The following ARHGEF6 variants were observed in gnomAD, a reference collection of about 807,000 sequenced individuals.
ARHGEF6 encodes the protein Rac/Cdc42 guanine nucleotide exchange factor 6, also known as rho guanine nucleotide exchange factor 6.
Under a neutral mutation model 70.3 loss-of-function variants are expected in ARHGEF6, and 9 were observed. That is an observed-to-expected ratio of 0.13 (90% CI 0.08 to 0.22). The LOEUF (loss-of-function observed/expected upper bound fraction) is 0.22, where lower values mean the gene tolerates loss of function less well. Among genes scored for constraint, ARHGEF6 ranks in the 10% least tolerant of loss-of-function variants. The pLI is 1.00. For missense variants in ARHGEF6, 470 were observed against 563.0 expected (o/e 0.83, Z 1.67); for synonymous variants, 201 against 207.8 (o/e 0.97, Z 0.28).
Position 136,665,987 on chromosome X carries a change from T to C in ARHGEF6, c.*2042A>G, listed in dbSNP as rs1437728174. ...CAAAAATGTTTCCTATAGATGCAGT[T>C]TGCACATTTATTGCAAGCCATTGAC... On this transcript the variant is annotated 3_prime_UTR_variant, in exon 22 of 22. Coordinates refer to ENST00000250617, the MANE Select transcript of ARHGEF6 (RefSeq NM_004840.3). The C allele has an allele frequency of 8.9e-6, 1 of 112,764 alleles. No individual in the cohort carries two copies. Among genetic ancestry groups the C allele is most frequent in the African/African-American group, 3.2e-5 (1 of 30,997 alleles). The allele number at this position is 112,764 out of a possible 1,213,427, so 9.3% of individuals were successfully genotyped here. A position where few individuals can be genotyped will look rare whatever the true frequency, so the allele number is the denominator to read the frequency against.
chrX:136,715,290 G>A (rs1398063314), intron 6 of ARHGEF6, among the ~76,000 whole-genome samples: 4 of 111,105 alleles, frequency 3.6e-5, no homozygotes, highest in African/African-American at 1.3e-4. Context: ...ACTACTTTGA[G>A]ATGAATGAAA....
chrX:136,713,194 A>T (rs1367220581), intron 7 of ARHGEF6, 82 bp downstream of exon 7: 1 of 838,358 alleles, frequency 1.2e-6, no homozygotes, highest in Admixed American at 2.2e-5. Flanking sequence ...AAAATCAATT[A>T]TTCAGTGACA....
At position 136,679,613 on chromosome X, in the gene ARHGEF6, T is replaced by C. The variant is rs2076313447; in HGVS notation, c.1752A>G (p.Gln584=). Reference sequence around the variant, plus strand: ...AACTTAAACTCCACGGTTTTATAATTTGAGGAGGCTCCAAGGGTCCTCGGG... The same window carrying C: ...AACTTAAACTCCACGGTTTTATAATCTGAGGAGGCTCCAAGGGTCCTCGGG... ...GQPRGPLEPP[Q]IIKPWSLSCL... is the part of the protein sequence containing the mutation. Residue 584 remains glutamine (Q), a synonymous_variant, in exon 16 of 22, where the codon CAA becomes CAG. Transcript: ENST00000250617. The C allele has an allele frequency of 1.7e-6, 2 of 1,211,127 alleles. No homozygotes were observed. The highest frequency in any genetic ancestry group is 2.2e-6 in the Non-Finnish European group (2 of 894,946).
intron 2 of ARHGEF6, among the ~76,000 whole-genome samples, chrX:136,772,448 C>A (rs928743613): frequency 8.9e-6 from 1 of 112,265 alleles, no homozygotes; most frequent in African/African-American, 3.2e-5. Context: ...GGTATGGATA[C>A]CCCACTCTCC....
At chrX:136,734,312 C>T (rs1011274642) in intron 5 of ARHGEF6, among the ~76,000 whole-genome samples, 1 of 111,306 alleles carries the variant, frequency 9.0e-6, no homozygotes, top group Non-Finnish European at 1.9e-5. Flanking sequence ...AGAAATGAAA[C>T]AGGGGACATC....
chrX:136,751,761 T>G (rs180962063), intron 2 of ARHGEF6, among the ~76,000 whole-genome samples: 16 of 111,832 alleles, frequency 1.4e-4, no homozygotes, highest in Admixed American at 8.5e-4. Context: ...TATGTCTTGA[T>G]CTTGGATTTC....
In ARHGEF6 at chrX:136,708,737, T is replaced by A. The variant is rs1169965185; in HGVS notation, c.861A>T (p.Gly287=). The change falls in exon 8 of 22, where the codon GGA becomes GGT. Residue 287 remains glycine (G), a synonymous_variant. Coordinates refer to ENST00000250617, the MANE Select transcript of ARHGEF6 (RefSeq NM_004840.3). Reference sequence around the variant, plus strand: ...GAAATGTGCATACTTCCTCGAAGTTTCCCAGTAAAGATGTAACCTCCACAG... The same window carrying A: ...GAAATGTGCATACTTCCTCGAAGTTACCCAGTAAAGATGTAACCTCCACAG... ...LSTVEVTSLL[G]NFEEVCTFQQ... 1 of 1,205,405 alleles carries A rather than the reference T, an allele frequency of 8.3e-7. No homozygotes were observed. The highest frequency in any genetic ancestry group is 2.2e-5 in the Admixed American group (1 of 45,987).
intron 6 of ARHGEF6, among the ~76,000 whole-genome samples, chrX:136,719,094 C>T (rs1177715794): frequency 9.2e-6 from 1 of 108,156 alleles, no homozygotes; most frequent in Non-Finnish European, 1.9e-5. Context: ...CTTCAATACC[C>T]CTCTATCAGA....
At chrX:136,681,025 T>C (rs756443376) in intron 14 of ARHGEF6, 149 bp from the exon 15 acceptor site, 141 of 585,985 alleles carry the variant, frequency 2.4e-4, no homozygotes, top group Non-Finnish European at 3.8e-4. Context: ...CTGAAATTTC[T>C]ATATCAGAAA....
chrX:136,687,203 T>C, intron 11 of ARHGEF6, among the ~76,000 whole-genome samples: 1 of 112,039 alleles, frequency 8.9e-6, no homozygotes, highest in Non-Finnish European at 1.9e-5. Context: ...CTTACTCTGG[T>C]CTTCAACTTA....
At chrX:136,705,182 G>A (rs1038840604) in intron 9 of ARHGEF6, among the ~76,000 whole-genome samples, 3 of 109,722 alleles carry the variant, frequency 2.7e-5, no homozygotes, top group South Asian at 4.1e-4. Flanking sequence ...GTGGTGGTGC[G>A]TGCCTGTAAT....
Position 136,667,742 on chromosome X carries a change from T to G in ARHGEF6, c.*287A>C, listed in dbSNP as rs1378833413. On this transcript the variant is annotated 3_prime_UTR_variant, in exon 22 of 22. Coordinates refer to ENST00000250617, the MANE Select transcript of ARHGEF6 (RefSeq NM_004840.3). ...CATTCCCTTTCTCTTTCTTACTGAATGGAAAAGACTCTGAGGCCATCTCTA... is the reference window on the plus strand; with the variant it reads ...CATTCCCTTTCTCTTTCTTACTGAAGGGAAAAGACTCTGAGGCCATCTCTA... 4.1e-5 allele frequency: 15 copies of G among 363,875 alleles called. No individual in the cohort carries two copies. The highest frequency in any genetic ancestry group is 6.3e-5 in the Non-Finnish European group (13 of 207,457). The allele number at this position is 363,875 out of a possible 1,213,427, so 30.0% of individuals were successfully genotyped here.
At chrX:136,699,801 C>T (rs2076548110) in intron 9 of ARHGEF6, among the ~76,000 whole-genome samples, 1 of 111,244 alleles carries the variant, frequency 9.0e-6, no homozygotes, top group African/African-American at 3.3e-5. Flanking sequence ...GATCCAAAAA[C>T]CCAAAAATGT....
At chrX:136,729,100 G>A (rs761242034) in intron 6 of ARHGEF6, among the ~76,000 whole-genome samples, 1 of 87,701 alleles carries the variant, frequency 1.1e-5, no homozygotes, top group East Asian at 3.6e-4. Context: ...GTTTCTCTGG[G>A]AAACCTGACT....
In ARHGEF6 at chrX:136,667,882, G is replaced by A. The variant is rs1342054735; in HGVS notation, c.*147C>T. 3 of 775,157 alleles carry A rather than the reference G, an allele frequency of 3.9e-6. No individual in the cohort carries two copies. The Admixed American group carries it at 7.4e-5, about 19-fold the overall frequency. 63.9% of individuals were successfully genotyped at this position (775,157 alleles called of 1,213,427 possible). ...CACGCACACACATATGCACACAGCG[G>A]GGAGAGAAAGAGAAGAGAGAGGGAG... On this transcript the variant is annotated 3_prime_UTR_variant, in exon 22 of 22. Transcript: ENST00000250617.
chrX:136,727,325 TTTTCTTTCTTTC>T (rs745840487), intron 6 of ARHGEF6, among the ~76,000 whole-genome samples: 1,591 of 60,598 alleles, frequency 0.026, 42 homozygotes, highest in Non-Finnish European at 0.042. Context: ...CTTTCTTTCT[TTTTCTTTCTTTC>T]TTTCTTTCTT....
At chrX:136,761,427 T>C (rs2148676810) in intron 2 of ARHGEF6, among the ~76,000 whole-genome samples, 1 of 112,539 alleles carries the variant, frequency 8.9e-6, no homozygotes, top group East Asian at 2.8e-4. Context: ...CCAAATAAAA[T>C]ATAAAAAACC....
intron 1 of ARHGEF6, among the ~76,000 whole-genome samples, chrX:136,780,154 A>C (rs2077435961): frequency 8.9e-6 from 1 of 112,324 alleles, no homozygotes; most frequent in South Asian, 3.7e-4. Context: ...TAAAGAGAGT[A>C]AAGTTAGTTT....
chrX:136,679,860 T>C (rs2076316061), intron 15 of ARHGEF6, among the ~76,000 whole-genome samples, 200 bp from the exon 16 acceptor site: 1 of 112,441 alleles, frequency 8.9e-6, no homozygotes, highest in African/African-American at 3.2e-5. Flanking sequence ...AGCACAAAAT[T>C]GACTCAACAT....
Sources: gnomAD v4.1 joint callset for allele counts (sites outside exome capture counted in the v4.1 genomes callset) on GRCh38, gnomAD v4.1.1 for gene constraint, MANE v1.5 for transcripts, NCBI Gene and HGNC (gene_info 2026-07-23, HGNC 2026-07-21) for gene names.